Variants in CNTLN observed in about 807,000 individuals in gnomAD.
CNTLN encodes the protein centlein, centrosomal protein.
CNTLN carries 212 observed loss-of-function variants against 180.0 expected under a neutral mutation model. That is an observed-to-expected ratio of 1.18 (90% CI 1.05 to 1.32). CNTLN has a LOEUF of 1.32. Ranked by LOEUF, CNTLN falls within the 40% of genes most tolerant of loss-of-function variation. The pLI is 0.00. For synonymous variants in CNTLN, 722 were observed against 563.1 expected, an observed-to-expected ratio of 1.28 and a Z score of -3.99; for missense variants, 2,095 against 1,610.9, an observed-to-expected ratio of 1.30 and a Z score of -5.14.
chr9:17,234,668 C>T (rs1473235473), intron 3 of CNTLN, among the ~76,000 whole-genome samples: 1 of 151,526 alleles, frequency 6.6e-6, no homozygotes. Flanking sequence ...GTCAACTGAG[C>T]ATATTACTTA....
chr9:17,498,422 A>T (rs1354497535), intron 25 of CNTLN, among the ~76,000 whole-genome samples: 1 of 152,178 alleles, frequency 6.6e-6, no homozygotes, highest in Admixed American at 6.6e-5. Context: ...AAACTTCTGT[A>T]GGTATTTATA....
At position 17,340,962 on chromosome 9, in the gene CNTLN, C is replaced by T; in HGVS notation, c.1766+14C>T. 6.3e-7 allele frequency: 1 copy of T among 1,592,756 alleles called. No individual in the cohort carries two copies. The highest frequency in any genetic ancestry group is 8.5e-7 in the Non-Finnish European group (1 of 1,170,678). ...AGGCAGTGGCATGTGAGTTACATAG[C>T]TCATAAAGGCATTTCCCTAAATATT... is the stretch of plus-strand genomic sequence containing the variant. On this transcript the variant is annotated intron_variant, in intron 11 of 25. Coordinates refer to ENST00000380647, the MANE Select transcript of CNTLN (RefSeq NM_017738.4).
chr9:17,494,883 T>C, intron 25 of CNTLN: 1 of 357,532 alleles, frequency 2.8e-6, no homozygotes, highest in South Asian at 2.2e-5. Context: ...ATACTTTTTT[T>C]TTTTTTTTTT....
intron 5 of CNTLN, among the ~76,000 whole-genome samples, chr9:17,243,940 A>G (rs148167690): frequency 6.6e-5 from 10 of 152,152 alleles, no homozygotes; most frequent in East Asian, 5.8e-4. Flanking sequence ...ATTGGGGACT[A>G]TCTTTCTTTA....
chr9:17,196,427 T>C lies in CNTLN; in HGVS notation c.450-29776T>C, dbSNP rs534704178. Among the ~76,000 whole-genome samples, 4 of 152,264 alleles carry C rather than the reference T, an allele frequency of 2.6e-5. No homozygotes were observed. The South Asian group carries it at 6.2e-4, about 24-fold the overall frequency. ...TTATAAAGGGATTTTTAAAGAATTATGGAATATATACATAAAAATTTAGTT... is the reference window on the plus strand; with the variant it reads ...TTATAAAGGGATTTTTAAAGAATTACGGAATATATACATAAAAATTTAGTT... On this transcript the variant is annotated intron_variant, in intron 2 of 25. Coordinates refer to ENST00000380647, the MANE Select transcript of CNTLN (RefSeq NM_017738.4).
Position 17,446,403 on chromosome 9 carries a change from A to T in CNTLN, c.3115-11121A>T, listed in dbSNP as rs368812210. ...TATTTAGGATATATTTAAGAAACAT[A>T]TGTCTTTCGCTAGCTTGAATATATG... On this transcript the variant is annotated intron_variant, in intron 18 of 25. Transcript: ENST00000380647. 5.3e-5 allele frequency among the ~76,000 whole-genome samples: 8 copies of T among 152,292 alleles called. No homozygotes were observed. The South Asian group carries it at 1.2e-3, about 24-fold the overall frequency.
chr9:17,463,997 T>C (rs566211888), intron 20 of CNTLN, among the ~76,000 whole-genome samples: 1 of 151,632 alleles, frequency 6.6e-6, no homozygotes, highest in South Asian at 2.1e-4. Context: ...TTATACTTAA[T>C]AGTTCATCAA....
intron 12 of CNTLN, among the ~76,000 whole-genome samples, chr9:17,342,774 G>T (rs537999791): frequency 2.6e-5 from 4 of 152,216 alleles, no homozygotes; most frequent in Admixed American, 6.5e-5. Context: ...GTGGAGAGGG[G>T]ATAACCTAGC....
intron 8 of CNTLN, among the ~76,000 whole-genome samples, chr9:17,324,631 A>C (rs1046673129): frequency 6.6e-6 from 1 of 152,154 alleles, no homozygotes; most frequent in Non-Finnish European, 1.5e-5. Flanking sequence ...ACTGTCATTT[A>C]CTGGATGTAT....
intron 2 of CNTLN, among the ~76,000 whole-genome samples, chr9:17,176,516 C>G (rs919604809): frequency 1.3e-5 from 2 of 152,134 alleles, no homozygotes; most frequent in African/African-American, 4.8e-5. Flanking sequence ...TTGATTGCAT[C>G]TCTAATCATG....
chr9:17,214,863 C>T lies in CNTLN; in HGVS notation c.450-11340C>T, dbSNP rs1587187061. On this transcript the variant is annotated intron_variant, in intron 2 of 25. Coordinates refer to ENST00000380647, the MANE Select transcript of CNTLN (RefSeq NM_017738.4). ...ATCAAATTGGCTACTGAAACTTGTG[C>T]ATTCATTACGTAGTCCTCGTGCCAT... 2.0e-5 allele frequency among the ~76,000 whole-genome samples: 3 copies of T among 152,228 alleles called. No individual in the cohort carries two copies. The South Asian group carries it at 6.2e-4, about 31-fold the overall frequency.
intron 2 of CNTLN, among the ~76,000 whole-genome samples, chr9:17,198,547 T>C (rs962899133): frequency 6.6e-6 from 1 of 151,400 alleles, no homozygotes; most frequent in African/African-American, 2.4e-5. Flanking sequence ...TTTTTTTTTT[T>C]TTTTTAGATT....
At chr9:17,254,171 C>T (rs1587351166) in intron 5 of CNTLN, among the ~76,000 whole-genome samples, 1 of 151,702 alleles carries the variant, frequency 6.6e-6, no homozygotes, top group African/African-American at 2.4e-5. Context: ...TTTTCATATG[C>T]TTCTTGGCCA....
At chr9:17,477,645 G>A (rs1448030569) in intron 23 of CNTLN, among the ~76,000 whole-genome samples, 4 of 152,172 alleles carry the variant, frequency 2.6e-5, no homozygotes, top group Non-Finnish European at 5.9e-5. Flanking sequence ...ACTAAAATTA[G>A]AAATGGAGCC....
At chr9:17,386,471 G>T (rs1825690869) in intron 13 of CNTLN, among the ~76,000 whole-genome samples, 1 of 152,148 alleles carries the variant, frequency 6.6e-6, no homozygotes, top group Non-Finnish European at 1.5e-5. Context: ...CCATAGGAAA[G>T]AAATAGGAGT....
At chr9:17,198,295 A>T (rs1822265726) in intron 2 of CNTLN, among the ~76,000 whole-genome samples, 1 of 150,444 alleles carries the variant, frequency 6.6e-6, no homozygotes, top group South Asian at 2.1e-4. Context: ...TTTGATAGGG[A>T]TTGCATTGAA....
chr9:17,247,111 A>G (rs1825842174), intron 5 of CNTLN, among the ~76,000 whole-genome samples: 1 of 152,068 alleles, frequency 6.6e-6, no homozygotes, highest in Admixed American at 6.6e-5. Flanking sequence ...TGGGTGATAC[A>G]AGTATTCCCT....
intron 24 of CNTLN, among the ~76,000 whole-genome samples, chr9:17,485,925 C>G (rs1832867658): frequency 6.6e-6 from 1 of 152,148 alleles, no homozygotes. Flanking sequence ...GCCCCAAAGA[C>G]TAGATGGTGC....
At chr9:17,459,596 A>G (rs1289441301) in intron 19 of CNTLN, among the ~76,000 whole-genome samples, 1 of 151,836 alleles carries the variant, frequency 6.6e-6, no homozygotes, top group African/African-American at 2.4e-5. Context: ...ACAAAATACC[A>G]CAGACTGGTT....
Sources: allele counts gnomAD v4.1 joint callset (sites outside exome capture counted in the v4.1 genomes callset), GRCh38; gene constraint gnomAD v4.1.1; transcripts MANE v1.5; gene names NCBI Gene and HGNC (gene_info 2026-07-23, HGNC 2026-07-21).